The following ERBB4 variants were observed in gnomAD, a reference collection of about 807,000 sequenced individuals.
The protein encoded by ERBB4 is erb-b2 receptor tyrosine kinase 4, also known as receptor tyrosine-protein kinase erbB-4.
Under a neutral mutation model 158.0 loss-of-function variants are expected in ERBB4, and 42 were observed. The observed-to-expected ratio is 0.27, with a 90% CI of 0.21 to 0.34. The LOEUF (loss-of-function observed/expected upper bound fraction) is 0.34. ERBB4 is among the 10% of genes least tolerant of loss of function. The pLI, the probability that ERBB4 is intolerant of heterozygous loss-of-function variation, is 1.00. For missense variants in ERBB4, 1,333 were observed against 1,624.1 expected, an observed-to-expected ratio of 0.82 and a Z score of 3.08; for synonymous variants, 583 against 558.7, an observed-to-expected ratio of 1.04 and a Z score of -0.61.
intron 1 of ERBB4, among the ~76,000 whole-genome samples, chr2:212,438,155 ATTT>A (rs1349349624): frequency 1.3e-5 from 2 of 152,020 alleles, no homozygotes; most frequent in Non-Finnish European, 2.9e-5. Context: ...AATTTAATAC[ATTT>A]TTATAACTGT....
intron 5 of ERBB4, among the ~76,000 whole-genome samples, chr2:211,734,015 C>G (rs970643717): frequency 1.3e-5 from 2 of 152,066 alleles, no homozygotes; most frequent in Middle Eastern, 3.4e-3. Flanking sequence ...GTCCTCCAGC[C>G]TGGGCCATGC....
chr2:211,606,679 T>G (rs2068990748), intron 19 of ERBB4, among the ~76,000 whole-genome samples: 2 of 152,126 alleles, frequency 1.3e-5, no homozygotes, highest in African/African-American at 2.4e-5. Flanking sequence ...ATAAGAGAAT[T>G]CATAAATTTA....
At chr2:211,387,919 A>T (rs368623732) in intron 26 of ERBB4, 26 bp downstream of exon 26, 4 of 1,572,226 alleles carry the variant, frequency 2.5e-6, no homozygotes, top group Non-Finnish European at 3.5e-6. Context: ...ATCCTAAAAG[A>T]TGAAGGTTGA....
chr2:211,795,481 A>C (rs2076364516), intron 3 of ERBB4, among the ~76,000 whole-genome samples: 1 of 151,870 alleles, frequency 6.6e-6, no homozygotes, highest in Admixed American at 6.6e-5. Context: ...CATTGCTTTA[A>C]TCAGTATTAG....
rs558134858 is a variant in ERBB4 at position 211,965,319 on chromosome 2, A to G, written c.235-17703T>C. ...AAGTAAATATTCATTTGATAAATGG[A>G]AATAGTTTAAATCACTGACAATAAT... On this transcript the variant is annotated intron_variant, in intron 2 of 27. Coordinates refer to ENST00000342788, the MANE Select transcript of ERBB4 (RefSeq NM_005235.3). 2.0e-4 allele frequency among the ~76,000 whole-genome samples: 31 copies of G among 152,342 alleles called. No individual in the cohort carries two copies. The South Asian group carries it at 6.4e-3, about 32-fold the overall frequency.
intron 1 of ERBB4, among the ~76,000 whole-genome samples, chr2:212,263,039 T>C (rs2085001262): frequency 6.6e-6 from 1 of 152,064 alleles, no homozygotes; most frequent in East Asian, 1.9e-4. Context: ...TGAATTAGGG[T>C]GGGCCCTAAA....
chr2:211,635,696 A>G (rs1245360446), intron 16 of ERBB4, among the ~76,000 whole-genome samples: 1 of 152,138 alleles, frequency 6.6e-6, no homozygotes, highest in Non-Finnish European at 1.5e-5. Context: ...TTAATGTTAT[A>G]AGGACTGGCT....
rs113433420 is a variant in ERBB4 at position 211,971,225 on chromosome 2, A to G, written c.235-23609T>C. ...GCTCCTAATCTCTTCTGGCATAGAG[A>G]ATTCCAGCTGAGAGCTCTGCAGTTA... On this transcript the variant is annotated intron_variant, in intron 2 of 27. Transcript: ENST00000342788. Among the ~76,000 whole-genome samples, 1,457 of 152,222 alleles carry G rather than the reference A, an allele frequency of 9.6e-3. 23 individuals are homozygous for G. The highest frequency in any genetic ancestry group is 0.033 in the African/African-American group (1,385 of 41,532).
chr2:211,814,218 C>A (rs1284975387), intron 3 of ERBB4, among the ~76,000 whole-genome samples: 1 of 152,064 alleles, frequency 6.6e-6, no homozygotes, highest in African/African-American at 2.4e-5. Context: ...ATCCTTAACA[C>A]CTGTATAATC....
At chr2:212,287,454 CCTTT>C (rs1268931799) in intron 1 of ERBB4, among the ~76,000 whole-genome samples, 1 of 152,084 alleles carries the variant, frequency 6.6e-6, no homozygotes, top group Non-Finnish European at 1.5e-5. Flanking sequence ...TTTTTGTTCA[CCTTT>C]CTATTAACAT....
chr2:211,419,357 T>A (rs940561619), intron 25 of ERBB4, among the ~76,000 whole-genome samples: 1 of 152,088 alleles, frequency 6.6e-6, no homozygotes, highest in Non-Finnish European at 1.5e-5. Flanking sequence ...GAATATTACT[T>A]ATTACAATCA....
intron 20 of ERBB4, among the ~76,000 whole-genome samples, chr2:211,548,746 G>C (rs757071627): frequency 2.6e-5 from 4 of 152,022 alleles, no homozygotes; most frequent in Non-Finnish European, 4.4e-5. Context: ...TCTTAAAGCT[G>C]GTTTCTGTGA....
chr2:211,916,076 T>C (rs1419932617), intron 3 of ERBB4, among the ~76,000 whole-genome samples: 1 of 151,922 alleles, frequency 6.6e-6, no homozygotes, highest in Non-Finnish European at 1.5e-5. Context: ...TACCATTTTA[T>C]ATAATTATAA....
chr2:211,397,417 T>TA (rs935858418), intron 25 of ERBB4, among the ~76,000 whole-genome samples: 2 of 152,120 alleles, frequency 1.3e-5, no homozygotes, highest in African/African-American at 2.4e-5. Flanking sequence ...AACACTTTAC[T>TA]AAAAAAATGA....
At chr2:211,493,340 C>A (rs1019804778) in intron 20 of ERBB4, among the ~76,000 whole-genome samples, 1 of 151,896 alleles carries the variant, frequency 6.6e-6, no homozygotes, top group Non-Finnish European at 1.5e-5. Flanking sequence ...ATTGAACAGA[C>A]AAAACAATAA....
chr2:212,414,863 T>G (rs2091607579), intron 1 of ERBB4, among the ~76,000 whole-genome samples: 1 of 152,190 alleles, frequency 6.6e-6, no homozygotes, highest in Non-Finnish European at 1.5e-5. Context: ...GTTGTCACAA[T>G]AAATGGCTAC....
intron 20 of ERBB4, among the ~76,000 whole-genome samples, chr2:211,559,891 G>A (rs932296142): frequency 9.9e-5 from 15 of 152,082 alleles, no homozygotes; most frequent in East Asian, 3.9e-4. Context: ...TGACATTTAC[G>A]TAATATGAAT....
chr2:211,440,161 T>C (rs954157384), intron 20 of ERBB4, among the ~76,000 whole-genome samples: 5 of 152,182 alleles, frequency 3.3e-5, no homozygotes, highest in Non-Finnish European at 7.3e-5. Flanking sequence ...CAAGAGAATA[T>C]CAAGCATGCT....
chr2:212,176,276 G>A (rs1217685503), intron 1 of ERBB4, among the ~76,000 whole-genome samples: 1 of 151,898 alleles, frequency 6.6e-6, no homozygotes, highest in Non-Finnish European at 1.5e-5. Context: ...AGATGTTGAA[G>A]CCCTAATCCC....
Sources: allele counts gnomAD v4.1 joint callset (sites outside exome capture counted in the v4.1 genomes callset), GRCh38; gene constraint gnomAD v4.1.1; transcripts MANE v1.5; gene names NCBI Gene and HGNC (gene_info 2026-07-23, HGNC 2026-07-21).